The following MYO16 variants were observed in gnomAD, a reference collection of about 807,000 sequenced individuals.
MYO16 encodes unconventional myosin-XVI.
Under a neutral mutation model 205.3 loss-of-function variants are expected in MYO16, and 94 were observed. The ratio of observed to expected loss-of-function variants is 0.46; its 90% confidence interval spans 0.39 to 0.54. The LOEUF (loss-of-function observed/expected upper bound fraction) is 0.54, where lower values mean the gene tolerates loss of function less well. Ranked by LOEUF, MYO16 falls within the 20% of genes least tolerant of loss-of-function variation. The probability of loss-of-function intolerance (pLI) is 0.00; values close to 1 mark genes in which losing one functional copy is unlikely to be tolerated. For missense variants in MYO16, 2,315 were observed against 2,387.5 expected (o/e 0.97, Z 0.63); for synonymous variants, 988 against 954.0 (o/e 1.04, Z -0.66).
At chr13:109,155,380 G>C (rs1877952818) in intron 32 of MYO16, among the ~76,000 whole-genome samples, 1 of 152,124 alleles carries the variant, frequency 6.6e-6, no homozygotes, top group Non-Finnish European at 1.5e-5. Flanking sequence ...TCTACTCCAG[G>C]GTGGTGATTT....
chr13:108,627,915 G>A (rs759954150), upstream of MYO16, among the ~76,000 whole-genome samples: 16 of 152,012 alleles, frequency 1.1e-4, no homozygotes, highest in South Asian at 2.1e-4. Flanking sequence ...CTATTTATCC[G>A]GCATTGTATT....
the MYO16 span, among the ~76,000 whole-genome samples, chr13:108,535,944 AAACTT>A: frequency 6.6e-6 from 1 of 152,158 alleles, no homozygotes; most frequent in East Asian, 1.9e-4. Context: ...TGATAAAAGA[AAACTT>A]CACTTTTGTG....
intron 16 of MYO16, among the ~76,000 whole-genome samples, chr13:108,923,157 G>C (rs1183054995): frequency 1.3e-5 from 2 of 152,150 alleles, no homozygotes; most frequent in Admixed American, 6.6e-5. Flanking sequence ...CTAGAGTAAG[G>C]GCCACTCACA....
chr13:109,127,253 G>T lies in MYO16; in HGVS notation c.3783-29G>T. On this transcript the variant is annotated intron_variant, in intron 30 of 34. Coordinates refer to ENST00000457511, the MANE Select transcript of MYO16 (RefSeq NM_001198950.3). This position sits in a 1 kb window ranked among gnomAD's most constrained non-coding sequence, Gnocchi z 4.2. ...AATGCATCTGGGCCTCTCTGGCGTGGTGCTGTTTGTGTTTTGTTTCCCCCT... is the reference window on the plus strand; with the variant it reads ...AATGCATCTGGGCCTCTCTGGCGTGTTGCTGTTTGTGTTTTGTTTCCCCCT... 6.5e-7 allele frequency: 1 copy of T among 1,546,056 alleles called. No homozygotes were observed. The highest frequency in any genetic ancestry group is 8.8e-7 in the Non-Finnish European group (1 of 1,141,284).
At chr13:108,651,735 T>C (rs909506843) in intron 1 of MYO16, among the ~76,000 whole-genome samples, 3 of 152,186 alleles carry the variant, frequency 2.0e-5, no homozygotes, top group Admixed American at 6.5e-5. Flanking sequence ...ATTTAAATTA[T>C]TTAGGTTTAT....
At chr13:108,906,716 G>A (rs577422185) in intron 15 of MYO16, among the ~76,000 whole-genome samples, 1 of 152,318 alleles carries the variant, frequency 6.6e-6, no homozygotes, top group East Asian at 1.9e-4. Flanking sequence ...ATAGTGTATG[G>A]TACACGGTAG....
chr13:109,130,243 G>A (rs1876469126), intron 31 of MYO16, among the ~76,000 whole-genome samples: 1 of 152,132 alleles, frequency 6.6e-6, no homozygotes, highest in South Asian at 2.1e-4. Context: ...TGTCTCATAT[G>A]TGACTATAAG....
At chr13:108,681,510 G>A (rs1359809458) in intron 2 of MYO16, among the ~76,000 whole-genome samples, 1 of 152,202 alleles carries the variant, frequency 6.6e-6, no homozygotes, top group Non-Finnish European at 1.5e-5. Context: ...GTTGTACTGA[G>A]CCAAGGCAGG....
chr13:109,064,409 T>C (rs573095983), intron 27 of MYO16, among the ~76,000 whole-genome samples: 1 of 152,330 alleles, frequency 6.6e-6, no homozygotes, highest in South Asian at 2.1e-4. Context: ...TGTTCTCTAA[T>C]GTTGGTCTCA....
At chr13:109,081,845 C>T (rs896974124) in intron 27 of MYO16, among the ~76,000 whole-genome samples, 1 of 152,122 alleles carries the variant, frequency 6.6e-6, no homozygotes, top group African/African-American at 2.4e-5. Context: ...TTGAACATTT[C>T]CTGCAATGCT....
intron 1 of MYO16, among the ~76,000 whole-genome samples, chr13:108,649,601 T>G (rs1307946328): frequency 2.0e-5 from 3 of 152,234 alleles, no homozygotes; most frequent in Non-Finnish European, 4.4e-5. Flanking sequence ...AGTATTAACC[T>G]TCAATAAGCA....
At chr13:108,679,812 G>A (rs1882386435) in intron 2 of MYO16, among the ~76,000 whole-genome samples, 1 of 151,846 alleles carries the variant, frequency 6.6e-6, no homozygotes. Flanking sequence ...AGTAGTCCTT[G>A]TTGATCTTTA....
intron 2 of MYO16, among the ~76,000 whole-genome samples, chr13:108,672,094 C>T (rs1026013473): frequency 2.0e-5 from 3 of 152,076 alleles, no homozygotes; most frequent in African/African-American, 7.2e-5. Context: ...ACTCATATAC[C>T]TCACTGTGCT....
chr13:108,519,309 G>A, the MYO16 span, among the ~76,000 whole-genome samples: 50,110 of 151,826 alleles, frequency 0.33, 10,136 homozygotes, highest in African/African-American at 0.57. Flanking sequence ...ACAGAGTGCA[G>A]CCTGCTTTAT....
intron 33 of MYO16, among the ~76,000 whole-genome samples, chr13:109,174,890 T>C (rs61382451): frequency 0.12 from 18,570 of 151,124 alleles, 1,386 homozygotes; most frequent in East Asian, 0.24. Context: ...TAGCTGGGAC[T>C]ACAGGCGCAT....
At chr13:108,780,685 C>A (rs997378047) in intron 4 of MYO16, among the ~76,000 whole-genome samples, 1 of 152,200 alleles carries the variant, frequency 6.6e-6, no homozygotes, top group Non-Finnish European at 1.5e-5. Context: ...CAGTTTTTGA[C>A]TATTATGAAT....
At chr13:108,497,046 T>C in the MYO16 span, among the ~76,000 whole-genome samples, 3 of 152,310 alleles carry the variant, frequency 2.0e-5, no homozygotes, top group Middle Eastern at 3.4e-3. Context: ...TCATGTGTTC[T>C]TGGGACTATT....
chr13:108,602,728 C>A (rs186015219), intron 1 of MYO16, among the ~76,000 whole-genome samples: 1 of 152,136 alleles, frequency 6.6e-6, no homozygotes, highest in Admixed American at 6.5e-5. Flanking sequence ...AATATTTTCA[C>A]TCCAGAAAAT....
chr13:108,603,724 C>T (rs1316904740), intron 1 of MYO16, among the ~76,000 whole-genome samples: 2 of 152,122 alleles, frequency 1.3e-5, no homozygotes, highest in African/African-American at 4.8e-5. Flanking sequence ...GTTAAATGAA[C>T]AAAGGCAGTT....
Sources: gnomAD v4.1 joint callset for allele counts (sites outside exome capture counted in the v4.1 genomes callset) on GRCh38, gnomAD v4.1.1 for gene constraint, Gnocchi (gnomAD v3.1) non-coding constraint, MANE v1.5 for transcripts, NCBI Gene and HGNC (gene_info 2026-07-23, HGNC 2026-07-21) for gene names.